Variants in FBXW11 observed in about 807,000 individuals in gnomAD.
The protein encoded by FBXW11 is F-box and WD repeat domain containing 11, also known as F-box/WD repeat-containing protein 11.
A neutral mutation model predicts 77.6 loss-of-function variants in FBXW11; 19 were observed. The observed-to-expected ratio is 0.24, with a 90% CI of 0.17 to 0.36. FBXW11 has a LOEUF of 0.36. FBXW11 is among the 10% of genes least tolerant of loss of function. The pLI is 1.00. For missense variants in FBXW11, 334 were observed against 704.2 expected, an observed-to-expected ratio of 0.47 and a Z score of 5.95; for synonymous variants, 235 against 249.4, an observed-to-expected ratio of 0.94 and a Z score of 0.54.
In FBXW11 at chr5:171,876,647, T is replaced by TA; in HGVS notation, c.972-114dup. ...GGTTTGGATATAGTTTGTCTGACTC[T>TA]ACCAAATCTCATGTTGAAATTGATC... is the stretch of plus-strand genomic sequence containing the variant. On this transcript the variant is annotated intron_variant, in intron 8 of 13. Transcript: ENST00000517395. This position sits in a 1 kb window ranked among gnomAD's most constrained non-coding sequence, Gnocchi z 4.2. 1 of 1,331,300 alleles carries TA rather than the reference T, an allele frequency of 7.5e-7. No individual in the cohort carries two copies. The highest frequency in any genetic ancestry group is 2.0e-5 in the Admixed American group (1 of 49,970). The allele number at this position is 1,331,300 out of a possible 1,614,324, so 82.5% of individuals were successfully genotyped here.
intron 2 of FBXW11, chr5:171,916,578 T>G (rs1416588175): frequency 4.4e-6 from 2 of 458,264 alleles, no homozygotes; most frequent in Non-Finnish European, 5.7e-6. Context: ...TGGAGGTCTC[T>G]CCATGTAATC....
At chr5:171,902,789 A>G (rs1024868166) in intron 4 of FBXW11, among the ~76,000 whole-genome samples, 2 of 152,206 alleles carry the variant, frequency 1.3e-5, no homozygotes, top group Admixed American at 6.5e-5. Context: ...CCAGGCATAC[A>G]ATGTATTTAG....
At chr5:171,892,516 C>T (rs752979197) in intron 6 of FBXW11, among the ~76,000 whole-genome samples, 2 of 152,136 alleles carry the variant, frequency 1.3e-5, no homozygotes, top group Admixed American at 1.3e-4. Flanking sequence ...CTGCCTCTTG[C>T]GGCAGTGCAC....
chr5:171,986,835 C>T (rs1765471275), intron 1 of FBXW11, among the ~76,000 whole-genome samples: 1 of 152,174 alleles, frequency 6.6e-6, no homozygotes, highest in Admixed American at 6.5e-5. Context: ...GCAGGGATCC[C>T]CAACCCCAGG....
At chr5:171,905,087 C>A (rs535425867) in intron 4 of FBXW11, among the ~76,000 whole-genome samples, 1 of 152,302 alleles carries the variant, frequency 6.6e-6, no homozygotes, top group East Asian at 1.9e-4. Flanking sequence ...TCAGTGATAT[C>A]TATGAGATTT....
At chr5:171,906,146 T>C (rs1001320690) in intron 4 of FBXW11, among the ~76,000 whole-genome samples, 2 of 152,234 alleles carry the variant, frequency 1.3e-5, no homozygotes, top group African/African-American at 4.8e-5. Flanking sequence ...GCTTAGATCA[T>C]ACAATTACAG....
At chr5:171,933,222 T>G (rs1762309712) in intron 2 of FBXW11, among the ~76,000 whole-genome samples, 1 of 148,890 alleles carries the variant, frequency 6.7e-6, no homozygotes, top group African/African-American at 2.5e-5. Flanking sequence ...AAAAACCTGG[T>G]GGAAACTTAA....
At chr5:171,950,447 A>G (rs1763247109) in intron 2 of FBXW11, among the ~76,000 whole-genome samples, 1 of 151,948 alleles carries the variant, frequency 6.6e-6, no homozygotes, top group South Asian at 2.1e-4. Flanking sequence ...CTCCACCCCT[A>G]AAATCTAGGG....
chr5:171,965,459 G>A (rs1764132539), intron 1 of FBXW11, among the ~76,000 whole-genome samples: 1 of 151,486 alleles, frequency 6.6e-6, no homozygotes, highest in African/African-American at 2.4e-5. Flanking sequence ...CCAGGAGGCA[G>A]AGGTTACAGG....
chr5:171,905,600 T>G (rs1030671), intron 4 of FBXW11, among the ~76,000 whole-genome samples: 6 of 62,258 alleles, frequency 9.6e-5, no homozygotes, highest in South Asian at 1.6e-3. Flanking sequence ...CCCCCCCCCC[T>G]TTATTTTCTT....
Position 171,869,744 on chromosome 5 carries a change from A to G in FBXW11, c.1515T>C (p.Cys505=). Residue 505 remains cysteine, a synonymous_variant, in exon 12 of 14, where the codon TGT becomes TGC. Transcript: ENST00000517395. This position sits in a 1 kb window ranked among gnomAD's most constrained non-coding sequence, Gnocchi z 4.1. Reference sequence around the variant, plus strand: ...GATCACATACCACCAATGTGCGCAAACACAATGTGCTTGCTGGGGCTCGAG... The same window carrying G: ...GATCACATACCACCAATGTGCGCAAGCACAATGTGCTTGCTGGGGCTCGAG... The part of the protein sequence containing the change: ...LDPRAPASTL[C]LRTLVEHSGR... 3 of 1,610,534 alleles carry G rather than the reference A, an allele frequency of 1.9e-6. No individual in the cohort carries two copies. The highest frequency in any genetic ancestry group is 2.5e-6 in the Non-Finnish European group (3 of 1,178,156).
chr5:171,956,073 T>A (rs1285489562), intron 2 of FBXW11, among the ~76,000 whole-genome samples: 1 of 152,204 alleles, frequency 6.6e-6, no homozygotes, highest in Non-Finnish European at 1.5e-5. Context: ...ACTACAATTT[T>A]TCCCCCTCTT....
intron 1 of FBXW11, among the ~76,000 whole-genome samples, chr5:171,990,621 A>G (rs1198077725): frequency 6.6e-6 from 1 of 152,216 alleles, no homozygotes; most frequent in African/African-American, 2.4e-5. Context: ...TATTTGTACA[A>G]TAAATCAGCA....
chr5:171,931,857 CTCCCTCT>C (rs1762218472), intron 2 of FBXW11, among the ~76,000 whole-genome samples: 2 of 4,946 alleles, frequency 4.0e-4, no homozygotes, highest in African/African-American at 4.8e-4. Flanking sequence ...CCCTCCCTCC[CTCCCTCT>C]CTCTCTCTCT....
chr5:171,971,248 A>G (rs556196355), intron 1 of FBXW11, among the ~76,000 whole-genome samples: 4 of 152,342 alleles, frequency 2.6e-5, no homozygotes, highest in African/African-American at 9.6e-5. Context: ...CTATAGGTTT[A>G]CAGATGCTTT....
chr5:171,942,494 A>G (rs1581233866), intron 2 of FBXW11, among the ~76,000 whole-genome samples: 1 of 152,224 alleles, frequency 6.6e-6, no homozygotes, highest in South Asian at 2.1e-4. Flanking sequence ...AATGAATATC[A>G]TAAAAGCGAT....
Position 171,969,549 on chromosome 5 carries a change from T to A in FBXW11, c.46-11851A>T, listed in dbSNP as rs115066292. ...AAATTCTCAAAACTATATATTCTGGTATTAAAAATTATTTCTGCAAATAAA... is the reference window on the plus strand; with the variant it reads ...AAATTCTCAAAACTATATATTCTGGAATTAAAAATTATTTCTGCAAATAAA... On this transcript the variant is annotated intron_variant, in intron 1 of 13. Coordinates refer to ENST00000517395, the MANE Select transcript of FBXW11 (RefSeq NM_001378974.1). 2.8e-3 allele frequency among the ~76,000 whole-genome samples: 432 copies of A among 152,364 alleles called. 1 individual carries two copies. Among genetic ancestry groups the A allele is most frequent in the African/African-American group, 9.9e-3 (410 of 41,588 alleles).
chr5:171,900,023 A>G lies in FBXW11; in HGVS notation c.514T>C (p.Cys172Arg). Residue 172 changes from cysteine (C) to arginine (R), a missense_variant, in exon 5 of 14, where the codon TGT (cysteine) becomes CGT (arginine). Around this residue, in one of 10 missense-constraint regions of FBXW11, gnomAD observed 56 missense variants for 144.9 expected, o/e 0.39. Coordinates refer to ENST00000517395, the MANE Select transcript of FBXW11 (RefSeq NM_001378974.1). ...ARSLCAAELV[C>R]KEWQRVISEG... is the part of the protein sequence containing the mutation. ...GAGATCACTCGCTGCCATTCTTTAC[A>G]TACCAGCTCTGCTGCACACAGAGAC... The G allele has an allele frequency of 6.2e-7, 1 of 1,613,852 alleles. No individual in the cohort carries two copies. Among genetic ancestry groups the G allele is most frequent in the Non-Finnish European group, 8.5e-7 (1 of 1,179,798 alleles).
intron 3 of FBXW11, among the ~76,000 whole-genome samples, 187 bp downstream of exon 3, chr5:171,914,156 A>AT: frequency 6.6e-6 from 1 of 152,326 alleles, no homozygotes; most frequent in East Asian, 1.9e-4. Context: ...CTCCAAAATT[A>AT]TTTAGCATAT....
Sources: allele counts gnomAD v4.1 joint callset (sites outside exome capture counted in the v4.1 genomes callset), GRCh38; gene constraint gnomAD v4.1.1; regional missense constraint gnomAD v4.1.1; non-coding constraint Gnocchi (gnomAD v3.1); transcripts MANE v1.5; gene names NCBI Gene and HGNC (gene_info 2026-07-23, HGNC 2026-07-21).